LRMDA: variants seen among roughly 807,000 people sequenced by gnomAD.
The protein encoded by LRMDA is leucine rich melanocyte differentiation associated.
In LRMDA, 18 loss-of-function variants were observed where a neutral mutation model predicts 29.8. That is an observed-to-expected ratio of 0.60 (90% CI 0.42 to 0.90). LRMDA has a LOEUF of 0.90. LRMDA is among the 40% of genes least tolerant of loss of function. The pLI is 0.00. For missense variants in LRMDA, 273 were observed against 273.9 expected (o/e 1.00, Z 0.02); for synonymous variants, 125 against 109.4 (o/e 1.14, Z -0.89).
At chr10:75,832,529 TC>T (rs1373186763) in intron 2 of LRMDA, among the ~76,000 whole-genome samples, 3 of 152,202 alleles carry the variant, frequency 2.0e-5, no homozygotes, top group Non-Finnish European at 4.4e-5. Flanking sequence ...TCCAGACTGT[TC>T]CAACCTCTGC....
chr10:75,990,806 G>A (rs960168700), intron 2 of LRMDA, among the ~76,000 whole-genome samples: 2 of 152,220 alleles, frequency 1.3e-5, no homozygotes, highest in African/African-American at 4.8e-5. Context: ...ACTCGAATGA[G>A]GGATGGGAAA....
At chr10:75,608,491 CCA>C (rs1840987509) in intron 2 of LRMDA, among the ~76,000 whole-genome samples, 1 of 151,928 alleles carries the variant, frequency 6.6e-6, no homozygotes, top group African/African-American at 2.4e-5. Flanking sequence ...AGTGTTCCCA[CCA>C]CACACAAAAA....
At chr10:76,519,545 G>A (rs2132359699) in intron 6 of LRMDA, among the ~76,000 whole-genome samples, 1 of 152,274 alleles carries the variant, frequency 6.6e-6, no homozygotes, top group East Asian at 1.9e-4. Context: ...GACATAAAGA[G>A]AAAGATTTTG....
chr10:75,943,111 T>G (rs1228268519), intron 2 of LRMDA, among the ~76,000 whole-genome samples: 2 of 151,658 alleles, frequency 1.3e-5, no homozygotes, highest in Non-Finnish European at 2.9e-5. Context: ...TTAGATGAAG[T>G]TAAAGGGTTC....
chr10:76,378,858 CTTT>C (rs144037195), intron 6 of LRMDA, among the ~76,000 whole-genome samples: 1 of 118,964 alleles, frequency 8.4e-6, no homozygotes. Context: ...CTTTTTTTTT[CTTT>C]TTTTTTTTTT....
In LRMDA at chr10:75,582,530, G is replaced by A. The variant is rs1377543948; in HGVS notation, c.131+144036G>A. On this transcript the variant is annotated intron_variant, in intron 2 of 6. Coordinates refer to ENST00000611255, the MANE Select transcript of LRMDA (RefSeq NM_001305581.2). ...GTCCTGAGGCTGGGCAGGGTAGCAGGGGGCCTTGGGCATGGCCCACGAAAC... is the reference window on the plus strand; with the variant it reads ...GTCCTGAGGCTGGGCAGGGTAGCAGAGGGCCTTGGGCATGGCCCACGAAAC... Among the ~76,000 whole-genome samples, 39 of 152,200 alleles carry A rather than the reference G, an allele frequency of 2.6e-4. 1 individual carries two copies. The highest frequency in any genetic ancestry group is 2.4e-3 in the Admixed American group (37 of 15,288).
rs567691214 is a variant in LRMDA at position 76,557,232 on chromosome 10, G to A, written c.625G>A (p.Val209Ile). The A allele has an allele frequency of 3.1e-5, 50 of 1,613,966 alleles. No homozygotes were observed. Among genetic ancestry groups the A allele is most frequent in the African/African-American group, 1.3e-4 (10 of 74,904 alleles). Residue 209 changes from valine (V) to isoleucine (I), a missense_variant, in exon 7 of 7, where the codon GTT becomes ATT. By Grantham distance (29) the Val-to-Ile change is conservative. Coordinates refer to ENST00000611255, the MANE Select transcript of LRMDA (RefSeq NM_001305581.2). ...AGGTGTCCTGGGGAAGTGTCGCTAC[G>A]TTTACTATGGGAAAAACTCAGAGGG... ...HQGVLGKCRY[V>I]YYGKNSEGNR... is the part of the protein sequence containing the mutation.
intron 2 of LRMDA, among the ~76,000 whole-genome samples, chr10:75,639,860 T>C (rs1841430751): frequency 6.6e-6 from 1 of 152,174 alleles, no homozygotes; most frequent in African/African-American, 2.4e-5. Flanking sequence ...AGAGCGGACA[T>C]TAAGATTAAG....
chr10:75,832,691 A>G (rs1455124764), intron 2 of LRMDA, among the ~76,000 whole-genome samples: 1 of 152,256 alleles, frequency 6.6e-6, no homozygotes, highest in African/African-American at 2.4e-5. Context: ...AAGAGGTTTA[A>G]TTAGACTTAC....
At chr10:76,267,445 A>G (rs759040478) in intron 5 of LRMDA, among the ~76,000 whole-genome samples, 4 of 152,182 alleles carry the variant, frequency 2.6e-5, no homozygotes, top group Non-Finnish European at 5.9e-5. Flanking sequence ...TTATCACTCC[A>G]GTAGAAACTC....
At chr10:76,404,620 CTGGATGCTCTTTCCTGGGTATA>C (rs1351278949) in intron 6 of LRMDA, among the ~76,000 whole-genome samples, 1 of 152,186 alleles carries the variant, frequency 6.6e-6, no homozygotes. Context: ...TATTCCCAGC[CTGGATGCTCTTTCCTGGGTATA>C]TGAATGGCTC....
At chr10:76,220,070 G>A (rs1386425340) in intron 5 of LRMDA, among the ~76,000 whole-genome samples, 3 of 152,120 alleles carry the variant, frequency 2.0e-5, no homozygotes, top group Non-Finnish European at 2.9e-5. Flanking sequence ...TGAAACCAAT[G>A]AGAACAAAGA....
chr10:75,599,034 G>A lies in LRMDA; in HGVS notation c.131+160540G>A, dbSNP rs560221073. Among the ~76,000 whole-genome samples, 24 of 152,250 alleles carry A rather than the reference G, an allele frequency of 1.6e-4. No individual in the cohort carries two copies. The South Asian group carries it at 1.7e-3, about 11-fold the overall frequency. On this transcript the variant is annotated intron_variant, in intron 2 of 6. Transcript: ENST00000611255. ...CAGGGGCAAGGGAAGAGGCCAAGAAGGGGAGAGGTGGCTGGGGATGGAAAT... is the reference window on the plus strand; with the variant it reads ...CAGGGGCAAGGGAAGAGGCCAAGAAAGGGAGAGGTGGCTGGGGATGGAAAT...
intron 2 of LRMDA, among the ~76,000 whole-genome samples, chr10:75,908,240 A>C (rs533350860): frequency 8.5e-5 from 13 of 152,192 alleles, no homozygotes; most frequent in Non-Finnish European, 1.9e-4. Context: ...AAAGTCACTG[A>C]TGCAGATACT....
intron 6 of LRMDA, among the ~76,000 whole-genome samples, chr10:76,368,129 T>G (rs978406568): frequency 3.3e-5 from 5 of 152,176 alleles, no homozygotes; most frequent in African/African-American, 1.2e-4. Context: ...TTATTTCTTT[T>G]CTTCTGCTGG....
chr10:76,439,491 C>A (rs1462158047), intron 6 of LRMDA, among the ~76,000 whole-genome samples: 2 of 152,166 alleles, frequency 1.3e-5, no homozygotes, highest in African/African-American at 4.8e-5. Flanking sequence ...TGATCCTTAG[C>A]AGGGAAAGCG....
chr10:76,339,869 C>T (rs1841015957), intron 6 of LRMDA, among the ~76,000 whole-genome samples: 1 of 151,740 alleles, frequency 6.6e-6, no homozygotes, highest in Admixed American at 6.6e-5. Context: ...ACCATATAGC[C>T]CTCAAAGAGA....
chr10:75,945,171 C>T (rs1482964305), intron 2 of LRMDA, among the ~76,000 whole-genome samples: 3 of 152,150 alleles, frequency 2.0e-5, no homozygotes, highest in Admixed American at 6.6e-5. Context: ...AGATTTTGTT[C>T]TAGCAGGCAG....
chr10:76,120,990 G>A (rs573420191), intron 5 of LRMDA, among the ~76,000 whole-genome samples: 1 of 152,066 alleles, frequency 6.6e-6, no homozygotes, highest in African/African-American at 2.4e-5. Flanking sequence ...CCGCCACCAC[G>A]CCTGGCTAAT....
Sources: gnomAD v4.1 joint callset for allele counts (sites outside exome capture counted in the v4.1 genomes callset) on GRCh38, gnomAD v4.1.1 for gene constraint, MANE v1.5 for transcripts, NCBI Gene and HGNC (gene_info 2026-07-23, HGNC 2026-07-21) for gene names.